Variants in CCDC157 observed in about 807,000 individuals in gnomAD.
CCDC157 encodes the protein coiled-coil domain containing 157.
CCDC157 carries 60 observed loss-of-function variants against 70.9 expected under a neutral mutation model. That is an observed-to-expected ratio of 0.85 (90% CI 0.69 to 1.05). CCDC157 has a LOEUF of 1.05. CCDC157 is among the 50% of genes least tolerant of loss of function. The probability of loss-of-function intolerance (pLI) is 0.00; values close to 1 mark genes in which losing one functional copy is unlikely to be tolerated. For missense variants in CCDC157, 943 were observed against 984.2 expected, an observed-to-expected ratio of 0.96 and a Z score of 0.56; for synonymous variants, 373 against 422.4, an observed-to-expected ratio of 0.88 and a Z score of 1.43.
At chr22:30,356,716 C>A (rs28627777), upstream of CCDC157, 1 of 1,479,958 alleles carries the variant, frequency 6.8e-7, no homozygotes, top group Non-Finnish European at 9.0e-7. Flanking sequence ...GGCTGAGGGG[C>A]GGGGGAGAGG....
chr22:30,360,483 C>T (rs371677287), intron 1 of CCDC157, among the ~76,000 whole-genome samples: 3 of 150,668 alleles, frequency 2.0e-5, no homozygotes, highest in African/African-American at 4.9e-5. Flanking sequence ...CCAGCCTGAG[C>T]GACAGAGCGA....
intron 5 of CCDC157, chr22:30,371,194 A>G (rs552376216): frequency 5.9e-5 from 34 of 577,756 alleles, no homozygotes; most frequent in Non-Finnish European, 8.0e-5. Flanking sequence ...AGACTCGTCC[A>G]TCGGTCAGTG....
rs2033608882 is a variant in CCDC157, at chr22:30,377,043, C to T, written c.*298C>T. ...CAGAGGAAGCTCCTAAGACCTGGGC[C>T]AGGTGAAGGTCCGTTTTTCTATCCC... On this transcript the variant is annotated 3_prime_UTR_variant, in exon 12 of 12. Coordinates refer to ENST00000338306, the MANE Select transcript of CCDC157 (RefSeq NM_001017437.5). 6.4e-6 allele frequency: 3 copies of T among 468,392 alleles called. No homozygotes were observed. The highest frequency in any genetic ancestry group is 6.0e-5 in the South Asian group (2 of 33,140). 29.0% of individuals were successfully genotyped at this position (468,392 alleles called of 1,614,324 possible). A position where few individuals can be genotyped will look rare whatever the true frequency, so the allele number is the denominator to read the frequency against.
chr22:30,374,137 C>A, intron 9 of CCDC157, 46 bp downstream of exon 9: 1 of 1,549,570 alleles, frequency 6.5e-7, no homozygotes, highest in Non-Finnish European at 8.7e-7. Context: ...GGCTCAGGGC[C>A]AGCAGCTGAG....
intron 1 of CCDC157, among the ~76,000 whole-genome samples, chr22:30,360,774 A>G (rs4820837): frequency 0.99 from 150,818 of 152,258 alleles, 74,699 homozygotes; most frequent in East Asian, 1. Flanking sequence ...TTGGCCGGGC[A>G]TGGTGGCTCA....
rs777658110 is a variant in CCDC157 at position 30,372,095 on chromosome 22, C to T, written c.1144C>T (p.Gln382Ter). The T allele has an allele frequency of 5.9e-5, 91 of 1,550,252 alleles. No individual in the cohort carries two copies. The highest frequency in any genetic ancestry group is 7.9e-5 in the Non-Finnish European group (91 of 1,146,492). The change falls in exon 7 of 12, where the codon CAG (glutamine) becomes TAG (stop). Residue 382 changes from glutamine to a stop codon, truncating the protein, a stop_gained. Coordinates refer to ENST00000338306, the MANE Select transcript of CCDC157 (RefSeq NM_001017437.5). LOFTEE classifies it high-confidence loss of function. ...QAVEAKAQQL[Q>*]EEGERRAAAE... is the part of the protein sequence containing the mutation. Reference sequence around the variant, plus strand: ...TGCAGAGGCAAAGGCCCAGCAGCTGCAGGAGGAAGGTGAGCGCAGGGCGGC... The same window carrying T: ...TGCAGAGGCAAAGGCCCAGCAGCTGTAGGAGGAAGGTGAGCGCAGGGCGGC...
chr22:30,368,028 C>T (rs1049103452), intron 3 of CCDC157, among the ~76,000 whole-genome samples: 4 of 152,080 alleles, frequency 2.6e-5, no homozygotes, highest in Non-Finnish European at 4.4e-5. Flanking sequence ...TCCAGCCTGG[C>T]GACAGAGTGA....
chr22:30,369,578 C>A lies in CCDC157; in HGVS notation c.395C>A (p.Thr132Lys). ...TGGGACAGCCTGCTGAGGCTGGGCACGCTCCACCAGCAGCCACTCCCCCAG... is the reference window on the plus strand; with the variant it reads ...TGGGACAGCCTGCTGAGGCTGGGCAAGCTCCACCAGCAGCCACTCCCCCAG... ...RFWDSLLRLGTLHQQPLPQKG... is the reference protein window; with the variant it reads ...RFWDSLLRLGKLHQQPLPQKG... Residue 132 changes from threonine to lysine, a missense_variant, in exon 4 of 12, where the codon ACG becomes AAG. By Grantham distance (78) the Thr-to-Lys change is moderately conservative. Coordinates refer to ENST00000338306, the MANE Select transcript of CCDC157 (RefSeq NM_001017437.5). 6.3e-7 allele frequency: 1 copy of A among 1,579,930 alleles called. No homozygotes were observed. The highest frequency in any genetic ancestry group is 8.6e-7 in the Non-Finnish European group (1 of 1,165,410).
At chr22:30,371,234 T>C (rs1932926225) in intron 5 of CCDC157, 2 of 526,456 alleles carry the variant, frequency 3.8e-6, no homozygotes, top group Admixed American at 6.4e-5. Context: ...CCACTTGCAC[T>C]GTCAGTCATT....
chr22:30,369,698 C>A, intron 4 of CCDC157, 95 bp downstream of exon 4: 1 of 1,031,534 alleles, frequency 9.7e-7, no homozygotes, highest in Non-Finnish European at 1.3e-6. Flanking sequence ...GGCTTCCTAG[C>A]CTACCACTAT....
rs966260887 is a variant in CCDC157, at chr22:30,374,212, G to T, written c.1672+121G>T. On this transcript the variant is annotated intron_variant, in intron 9 of 11. Transcript: ENST00000338306. ...GCCTGCAGCAAGGGTGTTAAAGCCA[G>T]GCGGCCAGCAGCGCAGCCCCTGTGG... 4 of 1,267,374 alleles carry T rather than the reference G, an allele frequency of 3.2e-6. No homozygotes were observed. In the African/African-American group the frequency reaches 6.0e-5, roughly 19 times the overall value. 78.5% of individuals were successfully genotyped at this position (1,267,374 alleles called of 1,614,324 possible).
chr22:30,369,803 C>T, intron 4 of CCDC157, 200 bp downstream of exon 4: 1 of 492,288 alleles, frequency 2.0e-6, no homozygotes. Context: ...TCATGCCTTG[C>T]TCCCTGGCTC....
chr22:30,361,319 G>A (rs1932333083), intron 1 of CCDC157, among the ~76,000 whole-genome samples: 1 of 151,772 alleles, frequency 6.6e-6, no homozygotes, highest in Admixed American at 6.6e-5. Context: ...GATTTAGTAA[G>A]GCCTGTTTGC....
At position 30,370,849 on chromosome 22, in the gene CCDC157, A is replaced by C; in HGVS notation, c.944A>C (p.Glu315Ala). 2 of 1,612,600 alleles carry C rather than the reference A, an allele frequency of 1.2e-6. No homozygotes were observed. Among genetic ancestry groups the C allele is most frequent in the Non-Finnish European group, 1.7e-6 (2 of 1,180,000 alleles). The stretch of plus-strand genomic sequence containing the variant: ...CTGAGGAAGCAGGCGGGCAAGCTGG[A>C]GCAGGCGCTGAAACAGGAGCAGGGG... The part of the protein sequence containing the change: ...DGLRKQAGKL[E>A]QALKQEQGAR... Residue 315 changes from glutamate (E) to alanine (A), a missense_variant, in exon 5 of 12, where the codon GAG becomes GCG. Transcript: ENST00000338306.
intron 5 of CCDC157, chr22:30,371,358 T>C (rs375452830): frequency 3.5e-5 from 18 of 517,198 alleles, no homozygotes; most frequent in East Asian, 2.2e-4. Flanking sequence ...AGATGGCCAG[T>C]GCCCACTGAT....
chr22:30,373,301 T>C (rs1933075052), intron 7 of CCDC157: 2 of 439,152 alleles, frequency 4.6e-6, no homozygotes, highest in Non-Finnish European at 8.3e-6. Flanking sequence ...GTGGGGTCTG[T>C]GTATGACTGG....
At position 30,369,434 on chromosome 22, in the gene CCDC157, T is replaced by C. The variant is rs1424965606; in HGVS notation, c.251T>C (p.Leu84Pro). The change falls in exon 4 of 12, where the codon CTC becomes CCC. Residue 84 changes from leucine to proline, a missense_variant and splice_region_variant. Transcript: ENST00000338306. Reference protein sequence around the residue: ...AVLLELVIDRLLLLLQSCMSY... With the variant: ...AVLLELVIDRPLLLLQSCMSY... The stretch of plus-strand genomic sequence containing the variant: ...CAACCTAGCATCTCTGCCCGCAGGC[T>C]CCTGCTGCTGCTTCAAAGCTGTATG... The C allele has an allele frequency of 6.6e-6, 10 of 1,518,442 alleles. No homozygotes were observed. Among genetic ancestry groups the C allele is most frequent in the Admixed American group, 2.1e-5 (1 of 48,628 alleles). 94.1% of individuals were successfully genotyped at this position (1,518,442 alleles called of 1,614,324 possible). A position where few individuals can be genotyped will look rare whatever the true frequency, so the allele number is the denominator to read the frequency against.
Position 30,372,076 on chromosome 22 carries a change from G to A in CCDC157, c.1125G>A (p.Glu375=), listed in dbSNP as rs1932975792. The A allele has an allele frequency of 1.3e-6, 2 of 1,541,200 alleles. No homozygotes were observed. The highest frequency in any genetic ancestry group is 1.8e-6 in the Non-Finnish European group (2 of 1,139,542). Residue 375 remains glutamate, a splice_region_variant and synonymous_variant, in exon 7 of 12, where the codon GAG becomes GAA. Coordinates refer to ENST00000338306, the MANE Select transcript of CCDC157 (RefSeq NM_001017437.5). Reference sequence around the variant, plus strand: ...TCCCATGTCCACTTAATGCTGCAGAGGCAAAGGCCCAGCAGCTGCAGGAGG... The same window carrying A: ...TCCCATGTCCACTTAATGCTGCAGAAGCAAAGGCCCAGCAGCTGCAGGAGG... ...KQQRESTQAV[E]AKAQQLQEEG...
At chr22:30,364,738 G>T (rs1336420638) in intron 2 of CCDC157, among the ~76,000 whole-genome samples, 1 of 151,736 alleles carries the variant, frequency 6.6e-6, no homozygotes, top group Non-Finnish European at 1.5e-5. Flanking sequence ...AGGAGGCAGA[G>T]GCTGAGGTGG....
Sources: allele counts gnomAD v4.1 joint callset (sites outside exome capture counted in the v4.1 genomes callset), GRCh38; gene constraint gnomAD v4.1.1; transcripts MANE v1.5; gene names NCBI Gene and HGNC (gene_info 2026-07-23, HGNC 2026-07-21).